The following SAT1 variants were observed in gnomAD, a reference collection of about 807,000 sequenced individuals.
The protein encoded by SAT1 is diamine acetyltransferase 1.
A neutral mutation model predicts 14.7 loss-of-function variants in SAT1; 1 was observed. The observed-to-expected ratio is 0.07, with a 90% CI of 0.02 to 0.32. SAT1 has a LOEUF of 0.32. SAT1 is among the 10% of genes least tolerant of loss of function. The pLI is 1.00. For missense variants in SAT1, 77 were observed against 129.1 expected, an observed-to-expected ratio of 0.60 and a Z score of 1.96; for synonymous variants, 67 against 46.1, an observed-to-expected ratio of 1.45 and a Z score of -1.84.
intron 3 of SAT1, 51 bp from the exon 4 acceptor site, chrX:23,785,276 CT>C: frequency 1.0e-6 from 1 of 975,195 alleles, no homozygotes. Flanking sequence ...GCAGCTGCAA[CT>C]TTTATGGAAT....
rs1922610697 is a variant in SAT1 at position 23,783,901 on chromosome X, C to T, written c.202+18C>T. 1.7e-6 allele frequency: 2 copies of T among 1,211,517 alleles called. No individual in the cohort carries two copies. Among genetic ancestry groups the T allele is most frequent in the Non-Finnish European group, 2.2e-6 (2 of 895,511 alleles). The stretch of plus-strand genomic sequence containing the variant: ...TCCGGAAGGTAACCCCTCGCCCTTT[C>T]CAGAAGCCAGAGAGACCAAGTGTTA... On this transcript the variant is annotated intron_variant, in intron 3 of 5. Coordinates refer to ENST00000379270, the MANE Select transcript of SAT1 (RefSeq NM_002970.4).
At chrX:23,785,083 T>G in intron 3 of SAT1, 1 of 406,953 alleles carries the variant, frequency 2.5e-6, no homozygotes, top group Non-Finnish European at 4.3e-6. Flanking sequence ...CAGTCCACAG[T>G]TGTAGCCTGA....
intron 3 of SAT1, 52 bp from the exon 4 acceptor site, chrX:23,785,276 C>A: frequency 3.1e-6 from 3 of 975,195 alleles, no homozygotes; most frequent in Non-Finnish European, 4.4e-6. Context: ...GCAGCTGCAA[C>A]TTTTATGGAA....
intron 3 of SAT1, chrX:23,784,135 C>T (rs1922625199): frequency 2.9e-6 from 3 of 1,048,340 alleles, no homozygotes; most frequent in Non-Finnish European, 3.7e-6. Context: ...GTTTAAGCTG[C>T]TTAAGTAAGT....
At chrX:23,785,248 T>C (rs1324236049) in intron 3 of SAT1, 80 bp from the exon 4 acceptor site, 25 of 718,707 alleles carry the variant, frequency 3.5e-5, no homozygotes, top group Non-Finnish European at 5.1e-5. Flanking sequence ...TTAAAACCTA[T>C]GATAGGCCTC....
rs1166117433 is a variant in SAT1 at position 23,783,345 on chromosome X, G to A, written c.-7G>A. 8 of 1,210,449 alleles carry A rather than the reference G, an allele frequency of 6.6e-6. No homozygotes were observed. Among genetic ancestry groups the A allele is most frequent in the Non-Finnish European group, 8.9e-6 (8 of 894,318 alleles). On this transcript the variant is annotated 5_prime_UTR_variant, in exon 1 of 6. Transcript: ENST00000379270. ...GTCCGCAAAGGGAAGAAAAGCAAAA[G>A]ACGAAAATGGCTAAATTCGTGATCC... is the stretch of plus-strand genomic sequence containing the variant.
At chrX:23,784,977 T>C (rs1353765074) in intron 3 of SAT1, 1 of 224,471 alleles carries the variant, frequency 4.5e-6, no homozygotes, top group African/African-American at 2.9e-5. Flanking sequence ...GTGAATAATG[T>C]GTGTGTTGAG....
At chrX:23,785,282 T>C (rs759812284) in intron 3 of SAT1, 46 bp from the exon 4 acceptor site, 3 of 989,541 alleles carry the variant, frequency 3.0e-6, no homozygotes, top group Non-Finnish European at 4.3e-6. Flanking sequence ...GCAACTTTTA[T>C]GGAATGTTTT....
rs9306769 is a variant in SAT1 at position 23,784,568 on chromosome X, C to CTTTTTT, written c.202+700_202+705dup. Among the ~76,000 whole-genome samples, 34 of 60,553 alleles carry CTTTTTT rather than the reference C, an allele frequency of 5.6e-4. 3 individuals are homozygous for CTTTTTT. Among genetic ancestry groups the CTTTTTT allele is most frequent in the Non-Finnish European group, 6.1e-4 (21 of 34,607 alleles). 52.6% of individuals were successfully genotyped at this position (60,553 alleles called of 115,157 possible). A position where few individuals can be genotyped will look rare whatever the true frequency, so the allele number is the denominator to read the frequency against. Reference sequence around the variant, plus strand: ...CACCAGTTAAGAGGGTGTCAGATGCCTTTTTTTTTTTTTTTTTTTTGGCTG... The same window carrying CTTTTTT: ...CACCAGTTAAGAGGGTGTCAGATGCCTTTTTTTTTTTTTTTTTTTTTTTTTTGGCTG... On this transcript the variant is annotated intron_variant, in intron 3 of 5. Coordinates refer to ENST00000379270, the MANE Select transcript of SAT1 (RefSeq NM_002970.4).
At position 23,784,274 on chromosome X, in the gene SAT1, T is replaced by C. The variant is rs1305257901; in HGVS notation, c.202+391T>C. On this transcript the variant is annotated intron_variant, in intron 3 of 5. Transcript: ENST00000379270. The stretch of plus-strand genomic sequence containing the variant: ...TTGTGTTAAATCACATTTTTTTCTT[T>C]AATTTGTCCCAATCTTCAGGTTACA... 6.8e-6 allele frequency: 6 copies of C among 883,783 alleles called. No homozygotes were observed. The African/African-American group carries it at 1.0e-4, about 15-fold the overall frequency. 72.8% of individuals were successfully genotyped at this position (883,783 alleles called of 1,213,427 possible).
At position 23,783,206 on chromosome X, in the gene SAT1, A is replaced by T. The variant is rs1922562570; in HGVS notation, c.-146A>T. On this transcript the variant is annotated 5_prime_UTR_variant, in exon 1 of 6. Transcript: ENST00000379270. ...CTTAGTCGCGGGCCGACTGGTGTTT[A>T]TCCGTCACTCGCCGAGGTTCCTTGG... is the stretch of plus-strand genomic sequence containing the variant. The T allele has an allele frequency of 9.5e-6, 5 of 526,751 alleles. No homozygotes were observed. Among genetic ancestry groups the T allele is most frequent in the African/African-American group, 4.6e-5 (2 of 43,220 alleles). 43.4% of individuals were successfully genotyped at this position (526,751 alleles called of 1,213,427 possible). A position where few individuals can be genotyped will look rare whatever the true frequency, so the allele number is the denominator to read the frequency against.
chrX:23,785,804 G>T lies in SAT1; in HGVS notation c.464G>T (p.Arg155Ile). 8.3e-7 allele frequency: 1 copy of T among 1,208,598 alleles called. No individual in the cohort carries two copies. The change falls in exon 6 of 6, where the codon AGA becomes ATA. Residue 155 changes from arginine to isoleucine, a missense_variant. By Grantham distance (97) the Arg-to-Ile change is moderately conservative. Coordinates refer to ENST00000379270, the MANE Select transcript of SAT1 (RefSeq NM_002970.4). The part of the protein sequence containing the change: ...ASDLSSEEGW[R>I]LFKIDKEYLL... Reference sequence around the variant, plus strand: ...GATCTGTCCAGTGAAGAGGGTTGGAGACTGTTCAAGATCGACAAGGAGTAC... The same window carrying T: ...GATCTGTCCAGTGAAGAGGGTTGGATACTGTTCAAGATCGACAAGGAGTAC...
intron 1 of SAT1, 106 bp from the exon 2 acceptor site, chrX:23,783,552 C>T: frequency 1.1e-6 from 1 of 934,807 alleles, no homozygotes; most frequent in Non-Finnish European, 1.5e-6. Flanking sequence ...CCATCCCCGG[C>T]TCGGCCGCCA....
rs556451893 is a variant in SAT1 at position 23,785,292 on chromosome X, T to C, written c.203-36T>C. 3.8e-6 allele frequency: 4 copies of C among 1,050,389 alleles called. No homozygotes were observed. In the East Asian group the frequency reaches 9.1e-5, roughly 24 times the overall value. 86.6% of individuals were successfully genotyped at this position (1,050,389 alleles called of 1,213,427 possible). A position where few individuals can be genotyped will look rare whatever the true frequency, so the allele number is the denominator to read the frequency against. On this transcript the variant is annotated intron_variant, in intron 3 of 5. Transcript: ENST00000379270. ...CAGCTGCAACTTTTATGGAATGTTT[T>C]CCTTCTCCACATCTCATGTGATGCT...
In SAT1 at chrX:23,785,332, C is replaced by T; in HGVS notation, c.207C>T (p.His69=). 1 of 1,189,868 alleles carries T rather than the reference C, an allele frequency of 8.4e-7. No individual in the cohort carries two copies. The highest frequency in any genetic ancestry group is 1.1e-6 in the Non-Finnish European group (1 of 875,348). ...VPKEHWTPEG[H]SIVGFAMYYF... Reference sequence around the variant, plus strand: ...CATGTGATGCTCTTATTACAGGACACAGCATTGTTGGTTTTGCCATGTACT... The same window carrying T: ...CATGTGATGCTCTTATTACAGGACATAGCATTGTTGGTTTTGCCATGTACT... The change falls in exon 4 of 6, where the codon CAC becomes CAT. Residue 69 remains histidine, a synonymous_variant. Coordinates refer to ENST00000379270, the MANE Select transcript of SAT1 (RefSeq NM_002970.4).
Position 23,785,843 on chromosome X carries a change from C to A in SAT1, c.503C>A (p.Ala168Glu). The A allele has an allele frequency of 8.4e-7, 1 of 1,196,564 alleles. No individual in the cohort carries two copies. Among genetic ancestry groups the A allele is most frequent in the Non-Finnish European group, 1.1e-6 (1 of 887,739 alleles). Residue 168 changes from alanine (A) to glutamate (E), a missense_variant, in exon 6 of 6, where the codon GCA (alanine) becomes GAA (glutamate). By Grantham distance (107) the Ala-to-Glu change is moderately radical (BLOSUM62 -1). Coordinates refer to ENST00000379270, the MANE Select transcript of SAT1 (RefSeq NM_002970.4). ...KIDKEYLLKM[A>E]TEE ...GACAAGGAGTACTTGCTAAAAATGG[C>A]AACAGAGGAGTGAGGAGTGCTGCTG...
At chrX:23,783,555 G>C (rs1922582983) in intron 1 of SAT1, 103 bp from the exon 2 acceptor site, 1 of 899,334 alleles carries the variant, frequency 1.1e-6, no homozygotes, top group African/African-American at 2.0e-5. Flanking sequence ...TCCCCGGCTC[G>C]GCCGCCACCC....
intron 3 of SAT1, chrX:23,784,432 C>A: frequency 2.3e-6 from 1 of 429,474 alleles, no homozygotes; most frequent in Non-Finnish European, 2.9e-6. Flanking sequence ...ACACTTCAAA[C>A]ACGGTAGATC....
At chrX:23,784,165 G>C (rs1004816993) in intron 3 of SAT1, 11 of 946,985 alleles carry the variant, frequency 1.2e-5, no homozygotes, top group South Asian at 3.9e-5. Context: ...GTGGAGACCC[G>C]GAAGAGTTAG....
Sources: gnomAD v4.1 joint callset for allele counts (sites outside exome capture counted in the v4.1 genomes callset) on GRCh38, gnomAD v4.1.1 for gene constraint, MANE v1.5 for transcripts, NCBI Gene and HGNC (gene_info 2026-07-23, HGNC 2026-07-21) for gene names.